The following RUSC2 variants were observed in gnomAD, a reference collection of about 807,000 sequenced individuals.
RUSC2 encodes AP-4 complex accessory subunit RUSC2.
A neutral mutation model predicts 122.2 loss-of-function variants in RUSC2; 34 were observed. The observed-to-expected ratio is 0.28, with a 90% CI of 0.21 to 0.37. The LOEUF is 0.37. RUSC2 is among the 10% of genes least tolerant of loss of function. The probability of loss-of-function intolerance (pLI) is 1.00; values close to 1 mark genes in which losing one functional copy is unlikely to be tolerated. For missense variants in RUSC2, 1,747 were observed against 1,952.4 expected (o/e 0.89, Z 1.98); for synonymous variants, 784 against 790.0 (o/e 0.99, Z 0.13).
intron 1 of RUSC2, among the ~76,000 whole-genome samples, chr9:35,529,473 A>G (rs563347425): frequency 5.0e-4 from 76 of 150,694 alleles, no homozygotes; most frequent in South Asian, 1.5e-3. Flanking sequence ...GAAATCCCCA[A>G]AATGTTTATG....
intron 1 of RUSC2, among the ~76,000 whole-genome samples, chr9:35,511,831 A>G (rs1564247275): frequency 6.6e-6 from 1 of 152,226 alleles, no homozygotes; most frequent in African/African-American, 2.4e-5. Context: ...TAAAAGATAT[A>G]TATCAGGTTT....
chr9:35,496,174 C>T (rs571321900), intron 1 of RUSC2, among the ~76,000 whole-genome samples: 1 of 152,188 alleles, frequency 6.6e-6, no homozygotes, highest in South Asian at 2.1e-4. Flanking sequence ...AAGTGGAGAC[C>T]TACCTCGAGG....
rs764751122 is a variant in RUSC2, at chr9:35,547,249, C to T, written c.728C>T (p.Ser243Phe). ...GAATCCCCAAGGAACCCTGGATGCT[C>T]CGGCTCAGGGGACCAGCACTGCCGC... ...SDESPRNPGC[S>F]GSGDQHCRCS... The change falls in exon 2 of 12, where the codon TCC becomes TTC. Residue 243 changes from serine (S) to phenylalanine (F), a missense_variant. Ser to Phe is a radical substitution (Grantham distance 155). Transcript: ENST00000361226. The surrounding 1 kb of genome is among the most constrained non-coding windows in gnomAD (Gnocchi z 4.6). 1.4e-5 allele frequency: 23 copies of T among 1,614,054 alleles called. No individual in the cohort carries two copies. In the East Asian group the frequency reaches 4.7e-4, roughly 33 times the overall value.
intron 1 of RUSC2, among the ~76,000 whole-genome samples, chr9:35,535,793 G>A (rs949535188): frequency 1.1e-4 from 17 of 152,156 alleles, no homozygotes; most frequent in Non-Finnish European, 2.2e-4. Context: ...GCCCGCCTCG[G>A]CCTCTCAAAG....
intron 1 of RUSC2, among the ~76,000 whole-genome samples, chr9:35,525,955 G>A (rs1326241709): frequency 6.6e-6 from 1 of 152,190 alleles, no homozygotes; most frequent in South Asian, 2.1e-4. Context: ...AGCTGGGCGT[G>A]ATGGCACGTG....
intron 1 of RUSC2, among the ~76,000 whole-genome samples, chr9:35,504,030 C>T (rs1330846336): frequency 1.3e-5 from 2 of 152,184 alleles, no homozygotes; most frequent in African/African-American, 2.4e-5. Context: ...CCGCCTCGGC[C>T]TGCCAAAGTG....
intron 1 of RUSC2, among the ~76,000 whole-genome samples, chr9:35,532,931 A>G (rs1203379661): frequency 6.6e-6 from 1 of 152,000 alleles, no homozygotes; most frequent in Non-Finnish European, 1.5e-5. Context: ...AGAGAATTTT[A>G]AGAGTCCATT....
rs536777705 is a variant in RUSC2, at chr9:35,523,756, A to C, written c.-92-22674A>C. ...CTTGAGTCCAGGAAGTGGAGGTTGC[A>C]GTGAGCCAAGATAGGGCCACTGCAT... On this transcript the variant is annotated intron_variant, in intron 1 of 11. Transcript: ENST00000361226. 1.4e-3 allele frequency among the ~76,000 whole-genome samples: 210 copies of C among 152,034 alleles called. 1 individual carries two copies. Among genetic ancestry groups the C allele is most frequent in the African/African-American group, 4.8e-3 (197 of 41,468 alleles).
In RUSC2 at chr9:35,552,938, GT is replaced by G. The variant is rs111289167; in HGVS notation, c.2015-2118del. ...TATCCTGGGAACTTAGCAGAGAGGA[GT>G]TTTAAAAGGGTAGGAATAAGCAGTC... is the stretch of plus-strand genomic sequence containing the variant. On this transcript the variant is annotated intron_variant, in intron 2 of 11. Coordinates refer to ENST00000361226, the MANE Select transcript of RUSC2 (RefSeq NM_014806.5). Among the ~76,000 whole-genome samples, 119 of 152,326 alleles carry G rather than the reference GT, an allele frequency of 7.8e-4. 2 individuals are homozygous for G. The highest frequency in any genetic ancestry group is 2.6e-3 in the African/African-American group (108 of 41,578).
intron 1 of RUSC2, among the ~76,000 whole-genome samples, chr9:35,544,693 T>C (rs1821712173): frequency 6.6e-6 from 1 of 152,184 alleles, no homozygotes; most frequent in East Asian, 1.9e-4. Flanking sequence ...TGCAAATATT[T>C]TCTCCCATTT....
At chr9:35,518,814 T>A (rs567943722) in intron 1 of RUSC2, among the ~76,000 whole-genome samples, 2 of 152,348 alleles carry the variant, frequency 1.3e-5, no homozygotes, top group East Asian at 3.9e-4. Flanking sequence ...TTTTTCTTTT[T>A]CTTTACAATG....
At chr9:35,496,325 A>C (rs1190171785) in intron 1 of RUSC2, among the ~76,000 whole-genome samples, 1 of 152,206 alleles carries the variant, frequency 6.6e-6, no homozygotes, top group Non-Finnish European at 1.5e-5. Context: ...CAGTATCACC[A>C]GTTGAGCCAT....
At position 35,561,832 on chromosome 9, in the gene RUSC2, CTGTT is replaced by C. The variant is rs1430059943; in HGVS notation, c.*452_*455del. 1.7e-6 allele frequency: 1 copy of C among 604,042 alleles called. No homozygotes were observed. Among genetic ancestry groups the C allele is most frequent in the Non-Finnish European group, 2.9e-6 (1 of 343,004 alleles). 37.4% of individuals were successfully genotyped at this position (604,042 alleles called of 1,614,324 possible). On this transcript the variant is annotated 3_prime_UTR_variant, in exon 12 of 12. Transcript: ENST00000361226. ...GAAGAGGGAGGAGGAGCCCAGGCGT[CTGTT>C]TATGTATTTATTTATTTATTTATTA... is the stretch of plus-strand genomic sequence containing the variant.
intron 1 of RUSC2, among the ~76,000 whole-genome samples, chr9:35,503,831 G>C (rs934441887): frequency 1.3e-5 from 2 of 151,864 alleles, no homozygotes; most frequent in Admixed American, 6.6e-5. Flanking sequence ...CTGGAGTGTA[G>C]TGGCATGATG....
intron 1 of RUSC2, among the ~76,000 whole-genome samples, chr9:35,517,297 C>G (rs10972501): frequency 0.25 from 37,797 of 152,172 alleles, 5,829 homozygotes; most frequent in East Asian, 0.42. Flanking sequence ...ACCTGGCAAA[C>G]TAACCCAATA....
intron 1 of RUSC2, among the ~76,000 whole-genome samples, chr9:35,516,455 G>T (rs1414171452): frequency 1.3e-5 from 2 of 152,174 alleles, no homozygotes; most frequent in Non-Finnish European, 2.9e-5. Context: ...AAAAAAAAAG[G>T]CCTTGTAGGG....
chr9:35,534,459 A>ACAC (rs1821484408), intron 1 of RUSC2, among the ~76,000 whole-genome samples: 4 of 103,518 alleles, frequency 3.9e-5, no homozygotes, highest in Admixed American at 8.8e-5. Context: ...CACACACACA[A>ACAC]TCCTTTGCTC....
rs529829250 is a variant in RUSC2 at position 35,533,303 on chromosome 9, G to A, written c.-92-13127G>A. Reference sequence around the variant, plus strand: ...AAAAAGAAAGAGAGGACTATCTGACGTCCTTGGATTGACATGCAGTGATAG... The same window carrying A: ...AAAAAGAAAGAGAGGACTATCTGACATCCTTGGATTGACATGCAGTGATAG... On this transcript the variant is annotated intron_variant, in intron 1 of 11. Coordinates refer to ENST00000361226, the MANE Select transcript of RUSC2 (RefSeq NM_014806.5). 1.5e-4 allele frequency among the ~76,000 whole-genome samples: 23 copies of A among 151,472 alleles called. 1 individual carries two copies. Among genetic ancestry groups the A allele is most frequent in the Admixed American group, 7.2e-4 (11 of 15,202 alleles).
intron 1 of RUSC2, among the ~76,000 whole-genome samples, chr9:35,537,558 G>A (rs1248559400): frequency 6.6e-6 from 1 of 152,194 alleles, no homozygotes; most frequent in Non-Finnish European, 1.5e-5. Context: ...TTGTGTCTTT[G>A]TGTGTTTTTG....
Sources: allele counts gnomAD v4.1 joint callset (sites outside exome capture counted in the v4.1 genomes callset), GRCh38; gene constraint gnomAD v4.1.1; non-coding constraint Gnocchi (gnomAD v3.1); transcripts MANE v1.5; gene names NCBI Gene and HGNC (gene_info 2026-07-23, HGNC 2026-07-21).